ABCC1: variants seen among roughly 807,000 people sequenced by gnomAD.
ABCC1 encodes the protein ATP binding cassette subfamily C member 1 (ABCC1 blood group), also known as multidrug resistance-associated protein 1.
Under a neutral mutation model 172.9 loss-of-function variants are expected in ABCC1, and 83 were observed. The ratio of observed to expected loss-of-function variants is 0.48; its 90% CI spans 0.40 to 0.58. The LOEUF (loss-of-function observed/expected upper bound fraction) is 0.58, where lower values mean the gene tolerates loss of function less well. Among genes scored for constraint, ABCC1 ranks in the 20% least tolerant of loss-of-function variants. The pLI is 0.00. For missense variants in ABCC1, 1,817 were observed against 2,002.7 expected (o/e 0.91, Z 1.77); for synonymous variants, 937 against 825.2 (o/e 1.14, Z -2.32).
intron 1 of ABCC1, among the ~76,000 whole-genome samples, chr16:15,973,793 T>C (rs1269996565): frequency 6.7e-6 from 1 of 150,180 alleles, no homozygotes; most frequent in Non-Finnish European, 1.5e-5. Context: ...CTGGGCAACA[T>C]AGCGAGACCC....
At chr16:16,029,787 A>T (rs1433040018) in intron 5 of ABCC1, among the ~76,000 whole-genome samples, 1 of 152,182 alleles carries the variant, frequency 6.6e-6, no homozygotes, top group Non-Finnish European at 1.5e-5. Context: ...AAGCTGAGGC[A>T]GGAGGATCAC....
rs370253516 is a variant in ABCC1, at chr16:15,995,099, C to G, written c.49-12717C>G. Among the ~76,000 whole-genome samples, 7 of 151,744 alleles carry G rather than the reference C, an allele frequency of 4.6e-5. No homozygotes were observed. In the East Asian group the frequency reaches 1.2e-3, roughly 26 times the overall value. ...TGAGCCGAGACCACACCATTGCACT[C>G]CAGCCTGGGCAACAAGAGCGAAACT... On this transcript the variant is annotated intron_variant, in intron 1 of 30. Transcript: ENST00000399410.
intron 25 of ABCC1, 44 bp from the exon 26 acceptor site, chr16:16,125,766 C>T (rs776190459): frequency 5.0e-5 from 65 of 1,287,766 alleles, no homozygotes; most frequent in Middle Eastern, 1.9e-4. Context: ...AAGTCAAGTA[C>T]GCCCGCTTAC....
chr16:16,012,963 G>A (rs534451683), intron 3 of ABCC1, among the ~76,000 whole-genome samples: 25 of 152,008 alleles, frequency 1.6e-4, no homozygotes, highest in Non-Finnish European at 3.1e-4. Context: ...TATTACAGGC[G>A]TGAGCAACTG....
intron 1 of ABCC1, among the ~76,000 whole-genome samples, chr16:15,975,117 G>A (rs1000512766): frequency 6.6e-6 from 1 of 152,094 alleles, no homozygotes; most frequent in African/African-American, 2.4e-5. Context: ...ACAGCTCTTC[G>A]GCAGTCAGAG....
At chr16:16,050,753 A>AG (rs1436447507) in intron 10 of ABCC1, among the ~76,000 whole-genome samples, 1 of 129,426 alleles carries the variant, frequency 7.7e-6, no homozygotes, top group African/African-American at 2.7e-5. Flanking sequence ...AAAAAAAAAA[A>AG]TTAGCTGGGC....
At chr16:15,999,782 T>TCTCTCG (rs1419680321) in intron 1 of ABCC1, among the ~76,000 whole-genome samples, 3 of 27,584 alleles carry the variant, frequency 1.1e-4, no homozygotes. Context: ...TCTCTCTCTC[T>TCTCTCG]CTCTCTCTCT....
chr16:16,068,608 C>G (rs927220222), intron 13 of ABCC1, among the ~76,000 whole-genome samples: 17 of 152,182 alleles, frequency 1.1e-4, no homozygotes, highest in African/African-American at 4.1e-4. Flanking sequence ...CCATTCCTAT[C>G]CTTTTTTTAA....
In ABCC1 at chr16:16,033,104, A is replaced by C. The variant is rs552614067; in HGVS notation, c.616-5A>C. ...CCTCCCAAACCTGTGCTTTCTTTCC[A>C]CTAGAATCCCTGCCCAGAGTCCAGC... On this transcript the variant is annotated splice_polypyrimidine_tract_variant and splice_region_variant and intron_variant, in intron 5 of 30. Transcript: ENST00000399410. The C allele has an allele frequency of 2.5e-6, 4 of 1,613,942 alleles. No homozygotes were observed. The African/African-American group carries it at 4.0e-5, about 16-fold the overall frequency.
intron 21 of ABCC1, among the ~76,000 whole-genome samples, chr16:16,107,077 T>A (rs1406233140): frequency 3.9e-5 from 6 of 152,060 alleles, no homozygotes; most frequent in African/African-American, 1.4e-4. Context: ...GCGGCAGAAC[T>A]GGGATTTGAA....
chr16:16,086,062 G>A (rs1567386899), intron 17 of ABCC1, among the ~76,000 whole-genome samples: 3 of 152,162 alleles, frequency 2.0e-5, no homozygotes, highest in Non-Finnish European at 4.4e-5. Context: ...GAGTAAGCTG[G>A]CAAACATGGC....
chr16:16,120,225 AGT>A (rs2045091388), intron 23 of ABCC1, among the ~76,000 whole-genome samples: 1 of 151,918 alleles, frequency 6.6e-6, no homozygotes, highest in African/African-American at 2.4e-5. Flanking sequence ...AGGGAGGCCG[AGT>A]TCCTAGCAAC....
chr16:16,015,920 A>G lies in ABCC1; in HGVS notation c.490-576A>G, dbSNP rs116841426. 2.3e-3 allele frequency among the ~76,000 whole-genome samples: 353 copies of G among 152,256 alleles called. 1 individual carries two copies. The highest frequency in any genetic ancestry group is 3.7e-3 in the Non-Finnish European group (253 of 68,014). ...ATCTGAGGCACAGAAAGGTTAAATA[A>G]GTTGACAAGATCCCACAGCCAGTGT... On this transcript the variant is annotated intron_variant, in intron 4 of 30. Transcript: ENST00000399410.
At chr16:16,137,794 C>A (rs1156993122) in intron 29 of ABCC1, among the ~76,000 whole-genome samples, 4 of 151,928 alleles carry the variant, frequency 2.6e-5, no homozygotes, top group Non-Finnish European at 5.9e-5. Context: ...CTCAAGCGAT[C>A]CACCCGCCTT....
At chr16:16,020,266 TG>T (rs1313179501) in intron 5 of ABCC1, among the ~76,000 whole-genome samples, 1 of 152,174 alleles carries the variant, frequency 6.6e-6, no homozygotes, top group African/African-American at 2.4e-5. Flanking sequence ...GTGTCAAATG[TG>T]GGTGTGCAGG....
At chr16:16,033,220 T>C in intron 6 of ABCC1, 50 bp downstream of exon 6, 1 of 1,535,202 alleles carries the variant, frequency 6.5e-7, no homozygotes, top group Non-Finnish European at 9.0e-7. Flanking sequence ...AGTGAATGAA[T>C]GAATGAATGA....
At chr16:16,021,295 T>C (rs568141918) in intron 5 of ABCC1, among the ~76,000 whole-genome samples, 4 of 151,916 alleles carry the variant, frequency 2.6e-5, no homozygotes, top group Non-Finnish European at 5.9e-5. Flanking sequence ...TCTGAAGGCT[T>C]GGCATGGTGT....
chr16:16,132,510 G>GTTT (rs71137915), intron 27 of ABCC1, among the ~76,000 whole-genome samples: 405 of 37,258 alleles, frequency 0.011, 25 homozygotes, highest in Non-Finnish European at 0.015. Context: ...TTGGTTGGTT[G>GTTT]TTTTTTTTTT....
At chr16:16,135,604 C>T (rs1275084467) in intron 28 of ABCC1, among the ~76,000 whole-genome samples, 2 of 152,126 alleles carry the variant, frequency 1.3e-5, no homozygotes, top group Admixed American at 6.5e-5. Context: ...TATAGGCACG[C>T]ACCACCATGC....
Sources: gnomAD v4.1 joint callset for allele counts (sites outside exome capture counted in the v4.1 genomes callset) on GRCh38, gnomAD v4.1.1 for gene constraint, MANE v1.5 for transcripts, NCBI Gene and HGNC (gene_info 2026-07-23, HGNC 2026-07-21) for gene names.